RASA3: variants seen among roughly 807,000 people sequenced by gnomAD.
RASA3 encodes ras GTPase-activating protein 3.
Under a neutral mutation model 110.0 loss-of-function variants are expected in RASA3, and 73 were observed. That is an observed-to-expected ratio of 0.66 (90% CI 0.55 to 0.81). The LOEUF is 0.81. Ranked by LOEUF, RASA3 falls within the 30% of genes least tolerant of loss-of-function variation. The pLI, the probability that RASA3 is intolerant of heterozygous loss-of-function variation, is 0.00. For synonymous variants in RASA3, 500 were observed against 451.4 expected (o/e 1.11, Z -1.37); for missense variants, 976 against 1,113.2 (o/e 0.88, Z 1.75).
chr13:113,980,111 CAT>C (rs1167272934), intron 23 of RASA3, among the ~76,000 whole-genome samples: 3 of 138,942 alleles, frequency 2.2e-5, no homozygotes, highest in South Asian at 4.8e-4. Context: ...ACCCCTCTCG[CAT>C]GTGTGCACCT....
At chr13:114,046,669 C>T (rs563236405) in intron 3 of RASA3, among the ~76,000 whole-genome samples, 27 of 152,198 alleles carry the variant, frequency 1.8e-4, no homozygotes, top group Non-Finnish European at 3.7e-4. Flanking sequence ...TGCTTCCACC[C>T]ATCCCTGTCT....
intron 19 of RASA3, among the ~76,000 whole-genome samples, chr13:114,000,586 C>T (rs796558781): frequency 6.6e-6 from 1 of 152,192 alleles, no homozygotes; most frequent in Non-Finnish European, 1.5e-5. Context: ...GTCAGCTCTG[C>T]GTTTACTGGT....
chr13:114,066,410 C>T (rs913734039), intron 2 of RASA3, among the ~76,000 whole-genome samples: 3 of 152,134 alleles, frequency 2.0e-5, no homozygotes, highest in Admixed American at 6.5e-5. Flanking sequence ...GAGCGGGAGG[C>T]GGCCGGGCGA....
intron 14 of RASA3, among the ~76,000 whole-genome samples, chr13:114,014,000 G>A (rs1293387630): frequency 3.3e-5 from 3 of 90,354 alleles, no homozygotes; most frequent in African/African-American, 9.9e-5. Flanking sequence ...ATCTCTCTCC[G>A]TCTGTCTCTG....
chr13:114,068,238 C>T (rs751002319), intron 2 of RASA3, among the ~76,000 whole-genome samples: 18 of 152,154 alleles, frequency 1.2e-4, no homozygotes, highest in African/African-American at 2.7e-4. Context: ...CAGGGCTCCG[C>T]GTGGGGCAGA....
chr13:114,062,204 CTTAT>C, intron 2 of RASA3, among the ~76,000 whole-genome samples: 1 of 149,918 alleles, frequency 6.7e-6, no homozygotes, highest in Non-Finnish European at 1.5e-5. Context: ...TTTTTACTTA[CTTAT>C]GATTTTAATT....
intron 5 of RASA3, among the ~76,000 whole-genome samples, 193 bp downstream of exon 5, chr13:114,029,618 T>C (rs35204974): frequency 0.042 from 528 of 12,474 alleles, 169 homozygotes; most frequent in East Asian, 0.15. Flanking sequence ...ACCTCTAAAA[T>C]GGCGTCATCC....
At chr13:114,100,847 G>C (rs2080050365) in intron 1 of RASA3, among the ~76,000 whole-genome samples, 1 of 152,268 alleles carries the variant, frequency 6.6e-6, no homozygotes, top group African/African-American at 2.4e-5. Flanking sequence ...GCCACCTGGA[G>C]AGGCTGCTAG....
chr13:113,979,741 AAG>A (rs1010467328), intron 23 of RASA3, among the ~76,000 whole-genome samples: 2 of 152,096 alleles, frequency 1.3e-5, no homozygotes, highest in African/African-American at 4.8e-5. Context: ...CTGCACTGCA[AAG>A]AGTGTGCTCA....
intron 4 of RASA3, among the ~76,000 whole-genome samples, chr13:114,037,910 G>A (rs1042330462): frequency 2.6e-5 from 4 of 151,962 alleles, no homozygotes; most frequent in African/African-American, 9.7e-5. Context: ...ACGGCCGTCC[G>A]TTCGGGGGAG....
intron 14 of RASA3, among the ~76,000 whole-genome samples, chr13:114,013,875 CCTATCT>C (rs2053716361): frequency 1.7e-5 from 1 of 60,064 alleles, no homozygotes; most frequent in Admixed American, 1.6e-4. Flanking sequence ...TGTCTCTCTC[CCTATCT>C]CTGTCTCTCT....
chr13:114,122,203 C>T (rs529759785), intron 1 of RASA3, among the ~76,000 whole-genome samples: 4 of 152,348 alleles, frequency 2.6e-5, no homozygotes, highest in East Asian at 3.9e-4. Flanking sequence ...GCCCCACCCC[C>T]GGCCAGCAAG....
At chr13:113,991,598 AC>A (rs1209406330) in intron 22 of RASA3, among the ~76,000 whole-genome samples, 1 of 152,198 alleles carries the variant, frequency 6.6e-6, no homozygotes, top group Admixed American at 6.5e-5. Context: ...ATGTGGTCTA[AC>A]TGGGCTTATC....
chr13:114,010,369 G>GC (rs1321912784), intron 16 of RASA3, among the ~76,000 whole-genome samples: 1 of 151,992 alleles, frequency 6.6e-6, no homozygotes, highest in Non-Finnish European at 1.5e-5. Context: ...CCCTGGCCTG[G>GC]CCCCTGCAGA....
chr13:114,102,698 C>T (rs1023429929), intron 1 of RASA3, among the ~76,000 whole-genome samples: 10 of 152,174 alleles, frequency 6.6e-5, no homozygotes, highest in East Asian at 5.8e-4. Flanking sequence ...GCCAAGGCTG[C>T]GGCGTCACTG....
intron 4 of RASA3, among the ~76,000 whole-genome samples, chr13:114,030,514 A>ACAGGAGGCAAGACTCACG (rs2054139797): frequency 1.2e-4 from 12 of 104,278 alleles, no homozygotes; most frequent in Admixed American, 3.9e-4. Context: ...CAAGACTCAC[A>ACAGGAGGCAAGACTCACG]CAGAGAGCAA....
Position 114,065,821 on chromosome 13 carries a change from T to C in RASA3, c.173+7899A>G, listed in dbSNP as rs2079438570. On this transcript the variant is annotated intron_variant, in intron 2 of 23. Transcript: ENST00000334062. This position sits in a 1 kb window ranked among gnomAD's most constrained non-coding sequence, Gnocchi z 4.1. ...GTCTCAGCGGAAGCCCCACACACAC[T>C]GGGTTGCAGCCTCCTGTGGTTCAAG... Among the ~76,000 whole-genome samples, 1 of 152,166 alleles carries C rather than the reference T, an allele frequency of 6.6e-6. No homozygotes were observed. The highest frequency in any genetic ancestry group is 2.4e-5 in the African/African-American group (1 of 41,446).
chr13:114,023,860 G>T (rs1476966483), intron 8 of RASA3, among the ~76,000 whole-genome samples: 1 of 152,228 alleles, frequency 6.6e-6, no homozygotes, highest in African/African-American at 2.4e-5. Context: ...CTCCACAGAG[G>T]CCACCCAGCC....
chr13:114,016,407 C>T, intron 12 of RASA3, 136 bp from the exon 13 acceptor site: 2 of 689,840 alleles, frequency 2.9e-6, no homozygotes, highest in Non-Finnish European at 5.2e-6. Context: ...CTCCCCGAAC[C>T]CGGCCACTGG....
Sources: gnomAD v4.1 joint callset for allele counts (sites outside exome capture counted in the v4.1 genomes callset) on GRCh38, gnomAD v4.1.1 for gene constraint, Gnocchi (gnomAD v3.1) non-coding constraint, MANE v1.5 for transcripts, NCBI Gene and HGNC (gene_info 2026-07-23, HGNC 2026-07-21) for gene names.